Variants in RALYL observed in about 807,000 individuals in gnomAD.
RALYL encodes RALY RNA binding protein like, also known as RNA-binding Raly-like protein.
A neutral mutation model predicts 35.1 loss-of-function variants in RALYL; 29 were observed. The ratio of observed to expected loss-of-function variants is 0.83; its 90% CI spans 0.61 to 1.13. The LOEUF (loss-of-function observed/expected upper bound fraction) is 1.13. RALYL is among the 50% of genes most tolerant of loss of function. The pLI is 0.00. For missense variants in RALYL, 359 were observed against 360.4 expected, an observed-to-expected ratio of 1.00 and a Z score of 0.03; for synonymous variants, 120 against 127.6, an observed-to-expected ratio of 0.94 and a Z score of 0.40.
intron 2 of RALYL, among the ~76,000 whole-genome samples, chr8:84,559,658 A>T (rs540370442): frequency 3.5e-4 from 54 of 152,244 alleles, no homozygotes; most frequent in Non-Finnish European, 6.5e-4. Context: ...TTACTAATTA[A>T]AGAGTAAGCA....
rs189735695 is a variant in RALYL, at chr8:84,584,419, A to G, written c.256+54842A>G. Among the ~76,000 whole-genome samples, 10 of 152,252 alleles carry G rather than the reference A, an allele frequency of 6.6e-5. No homozygotes were observed. In the East Asian group the frequency reaches 7.7e-4, roughly 12 times the overall value. On this transcript the variant is annotated intron_variant, in intron 2 of 8. Transcript: ENST00000521268. Reference sequence around the variant, plus strand: ...AGAGATAGAGACCACCCTGGCCAACATGGTGAAACCCCATCTCTACTAAAA... The same window carrying G: ...AGAGATAGAGACCACCCTGGCCAACGTGGTGAAACCCCATCTCTACTAAAA...
intron 4 of RALYL, among the ~76,000 whole-genome samples, chr8:84,807,831 T>G (rs1387247542): frequency 1.3e-5 from 2 of 152,238 alleles, no homozygotes; most frequent in South Asian, 4.1e-4. Context: ...GTACTATCTA[T>G]TCATGTAATT....
chr8:84,259,442 G>A (rs1374349906), intron 1 of RALYL, among the ~76,000 whole-genome samples: 2 of 152,060 alleles, frequency 1.3e-5, no homozygotes, highest in African/African-American at 4.8e-5. Flanking sequence ...TGTATGTAGG[G>A]ACAGGTATTA....
chr8:84,235,511 C>T (rs1329186620), intron 1 of RALYL, among the ~76,000 whole-genome samples: 1 of 152,168 alleles, frequency 6.6e-6, no homozygotes, highest in East Asian at 1.9e-4. Context: ...TTGATGTTGG[C>T]ATGGCCAGAA....
chr8:84,238,713 A>G (rs554620917), intron 1 of RALYL, among the ~76,000 whole-genome samples: 25 of 152,102 alleles, frequency 1.6e-4, no homozygotes, highest in Non-Finnish European at 2.5e-4. Context: ...GTGGTAGGGT[A>G]TGAGAGAGGA....
chr8:84,367,772 T>G (rs1012977205), intron 1 of RALYL, among the ~76,000 whole-genome samples: 1 of 152,126 alleles, frequency 6.6e-6, no homozygotes, highest in Non-Finnish European at 1.5e-5. Context: ...TTTCACCCTG[T>G]CCTTTTGCTT....
At chr8:84,356,139 A>G (rs1476247767) in intron 1 of RALYL, among the ~76,000 whole-genome samples, 1 of 150,118 alleles carries the variant, frequency 6.7e-6, no homozygotes, top group Non-Finnish European at 1.5e-5. Flanking sequence ...TCTCCCAGTC[A>G]TGCTTCCTGT....
intron 8 of RALYL, among the ~76,000 whole-genome samples, chr8:84,909,959 C>T (rs1847224163): frequency 1.3e-5 from 2 of 152,242 alleles, no homozygotes; most frequent in Non-Finnish European, 2.9e-5. Context: ...AGGTCCTCAT[C>T]TCCCACTTTA....
At chr8:84,692,907 G>A (rs1261104825) in intron 2 of RALYL, among the ~76,000 whole-genome samples, 1 of 152,018 alleles carries the variant, frequency 6.6e-6, no homozygotes, top group Non-Finnish European at 1.5e-5. Flanking sequence ...GATGCACTAA[G>A]TTGAAGGAAG....
intron 2 of RALYL, among the ~76,000 whole-genome samples, chr8:84,625,433 G>T (rs1160472061): frequency 6.6e-6 from 1 of 152,172 alleles, no homozygotes; most frequent in East Asian, 1.9e-4. Context: ...AGAAATAGAA[G>T]AAGTAAAAAC....
At chr8:84,733,122 T>C (rs990478499) in intron 2 of RALYL, among the ~76,000 whole-genome samples, 7 of 152,134 alleles carry the variant, frequency 4.6e-5, no homozygotes, top group Admixed American at 1.3e-4. Context: ...CAGCATACTA[T>C]TAAATTCCCT....
chr8:84,845,854 T>G (rs1432103480), intron 4 of RALYL, among the ~76,000 whole-genome samples: 1 of 152,222 alleles, frequency 6.6e-6, no homozygotes, highest in Admixed American at 6.5e-5. Flanking sequence ...GCTTTATTCT[T>G]CTGCATATCA....
chr8:84,547,751 G>T (rs1339416229), intron 2 of RALYL, among the ~76,000 whole-genome samples: 1 of 152,052 alleles, frequency 6.6e-6, no homozygotes, highest in Non-Finnish European at 1.5e-5. Flanking sequence ...AGTTTTCTTT[G>T]TGGGATAATA....
chr8:84,409,206 G>T (rs1467626978), intron 1 of RALYL, among the ~76,000 whole-genome samples: 1 of 151,914 alleles, frequency 6.6e-6, no homozygotes, highest in Non-Finnish European at 1.5e-5. Flanking sequence ...CAGAGCAGGT[G>T]ATTTTATTTC....
At chr8:84,716,244 T>G (rs573111360) in intron 2 of RALYL, among the ~76,000 whole-genome samples, 20 of 142,324 alleles carry the variant, frequency 1.4e-4, no homozygotes, top group African/African-American at 5.3e-4. Context: ...ATTTCATACC[T>G]TTTTTCTTCC....
At chr8:84,821,226 T>C (rs1022838063) in intron 4 of RALYL, among the ~76,000 whole-genome samples, 3 of 152,214 alleles carry the variant, frequency 2.0e-5, no homozygotes, top group Non-Finnish European at 4.4e-5. Flanking sequence ...ATCCTTTATT[T>C]TGTGTTCTTC....
intron 1 of RALYL, among the ~76,000 whole-genome samples, chr8:84,360,046 T>C (rs1188313036): frequency 6.6e-6 from 1 of 152,128 alleles, no homozygotes; most frequent in African/African-American, 2.4e-5. Flanking sequence ...CTAATTTTTG[T>C]ATTTTTAGTA....
At chr8:84,290,502 G>C (rs1309686005) in intron 1 of RALYL, among the ~76,000 whole-genome samples, 1 of 151,832 alleles carries the variant, frequency 6.6e-6, no homozygotes, top group Non-Finnish European at 1.5e-5. Context: ...CAGGAGTGGG[G>C]GGTCACAAGG....
chr8:84,493,661 A>G (rs1424980329), intron 1 of RALYL, among the ~76,000 whole-genome samples: 1 of 152,136 alleles, frequency 6.6e-6, no homozygotes, highest in Non-Finnish European at 1.5e-5. Context: ...TTCCCTAATG[A>G]TAAGTGCTGT....
Sources: allele counts gnomAD v4.1 joint callset (sites outside exome capture counted in the v4.1 genomes callset), GRCh38; gene constraint gnomAD v4.1.1; transcripts MANE v1.5; gene names NCBI Gene and HGNC (gene_info 2026-07-23, HGNC 2026-07-21).